EFCAB12: variants seen among roughly 807,000 people sequenced by gnomAD.
EFCAB12 encodes EF-hand calcium binding domain 12, also known as EF-hand calcium-binding domain-containing protein 12.
In EFCAB12, 43 loss-of-function variants were observed where a neutral mutation model predicts 53.6. The observed-to-expected ratio is 0.80, with a 90% CI of 0.63 to 1.03. EFCAB12 has a LOEUF of 1.03. Ranked by LOEUF, EFCAB12 falls within the 50% of genes least tolerant of loss-of-function variation. EFCAB12 has a pLI of 0.00. For missense variants in EFCAB12, 646 were observed against 730.6 expected (o/e 0.88, Z 1.34); for synonymous variants, 269 against 289.2 (o/e 0.93, Z 0.71).
At chr3:129,417,398 T>C (rs1444295977) in intron 3 of EFCAB12, among the ~76,000 whole-genome samples, 1 of 119,530 alleles carries the variant, frequency 8.4e-6, no homozygotes, top group Admixed American at 8.1e-5. Context: ...AAACCTCAGA[T>C]AGTAAATATT....
In EFCAB12 at chr3:129,401,859, A is replaced by G. The variant is rs1387482447; in HGVS notation, c.1461-8T>C. 2 of 1,609,524 alleles carry G rather than the reference A, an allele frequency of 1.2e-6. No homozygotes were observed. On this transcript the variant is annotated splice_polypyrimidine_tract_variant and splice_region_variant and intron_variant, in intron 8 of 8. Coordinates refer to ENST00000505956, the MANE Select transcript of EFCAB12 (RefSeq NM_207307.3). ...CTCTTCACCTTCAGCTTCCTGGAAA[A>G]CAAGAAGACACAGGGATGGTTGTCA... is the stretch of plus-strand genomic sequence containing the variant.
intron 2 of EFCAB12, among the ~76,000 whole-genome samples, chr3:129,418,779 C>T (rs763421024): frequency 6.6e-6 from 1 of 152,156 alleles, no homozygotes; most frequent in Non-Finnish European, 1.5e-5. Flanking sequence ...AACCTATACC[C>T]TTCCCTGGAG....
Position 129,421,783 on chromosome 3 carries a change from G to A in EFCAB12, c.70C>T (p.Pro24Ser), listed in dbSNP as rs1264329829. Residue 24 changes from proline to serine, a missense_variant, in exon 2 of 9, where the codon CCC becomes TCC. Coordinates refer to ENST00000505956, the MANE Select transcript of EFCAB12 (RefSeq NM_207307.3). The part of the protein sequence containing the change: ...SLLGLCPSKT[P>S]INENAPVFDP... ...AAGACGGGAGCATTTTCATTGATGG[G>A]AGTCTTAGACGGGCAGAGTCCTTGG... The A allele has an allele frequency of 4.3e-6, 7 of 1,612,878 alleles. No individual in the cohort carries two copies. In the East Asian group the frequency reaches 1.1e-4, roughly 26 times the overall value.
chr3:129,404,195 G>T, intron 7 of EFCAB12, 55 bp downstream of exon 7: 2 of 1,575,030 alleles, frequency 1.3e-6, no homozygotes, highest in Non-Finnish European at 1.7e-6. Flanking sequence ...CACACTGAAG[G>T]GATAGCAATG....
chr3:129,402,653 G>C, intron 7 of EFCAB12, 74 bp from the exon 8 acceptor site: 1 of 1,423,188 alleles, frequency 7.0e-7, no homozygotes, highest in Non-Finnish European at 9.6e-7. Context: ...GAGTAGGTCA[G>C]GGCCGCAGGG....
At chr3:129,408,501 C>G (rs550949594) in intron 6 of EFCAB12, 144 bp downstream of exon 6, 2 of 857,036 alleles carry the variant, frequency 2.3e-6, no homozygotes, top group Admixed American at 2.6e-5. Context: ...CTCCTCCACG[C>G]CCCCACTCCG....
chr3:129,421,557 G>C lies in EFCAB12; in HGVS notation c.296C>G (p.Pro99Arg). 1 of 1,613,992 alleles carries C rather than the reference G, an allele frequency of 6.2e-7. No homozygotes were observed. Among genetic ancestry groups the C allele is most frequent in the Non-Finnish European group, 8.5e-7 (1 of 1,179,862 alleles). The change falls in exon 2 of 9, where the codon CCA (proline) becomes CGA (arginine). Residue 99 changes from proline (P) to arginine (R), a missense_variant. Physicochemically the swap from Pro to Arg is moderately radical, Grantham distance 103 (BLOSUM62 -2). Transcript: ENST00000505956. ...VLEARDIQEQ[P>R]EDRKTWLSQR... ...GCTCAGCCAGGTCTTCCTGTCCTCTGGCTGCTCTTGGATATCTCTAGCTTC... is the reference window on the plus strand; with the variant it reads ...GCTCAGCCAGGTCTTCCTGTCCTCTCGCTGCTCTTGGATATCTCTAGCTTC...
chr3:129,416,826 T>C (rs1299750056), intron 3 of EFCAB12, among the ~76,000 whole-genome samples: 1 of 152,170 alleles, frequency 6.6e-6, no homozygotes, highest in African/African-American at 2.4e-5. Flanking sequence ...AGTTTTTTAA[T>C]TTTTTGTAGA....
Position 129,421,452 on chromosome 3 carries a change from G to A in EFCAB12, c.401C>T (p.Pro134Leu). The change falls in exon 2 of 9, where the codon CCT becomes CTT. Residue 134 changes from proline (P) to leucine (L), a missense_variant. Transcript: ENST00000505956. Reference protein sequence around the residue: ...RWLENKPSITPSEAKVLHMIH... With the variant: ...RWLENKPSITLSEAKVLHMIH... ...CATGTGTAAGACCTTGGCCTCTGAA[G>A]GCGTGATGCTGGGCTTGTTCTCCAG... 1 of 1,614,030 alleles carries A rather than the reference G, an allele frequency of 6.2e-7. No homozygotes were observed. The highest frequency in any genetic ancestry group is 8.5e-7 in the Non-Finnish European group (1 of 1,179,900).
chr3:129,428,587 C>G lies in EFCAB12; in HGVS notation c.-99G>C. 1 of 1,439,100 alleles carries G rather than the reference C, an allele frequency of 6.9e-7. No homozygotes were observed. Among genetic ancestry groups the G allele is most frequent in the Admixed American group, 2.2e-5 (1 of 45,520 alleles). The allele number at this position is 1,439,100 out of a possible 1,614,324, so 89.1% of individuals were successfully genotyped here. ...TACCGGGGTATCAGATAAACCGTAA[C>G]TCCAAGTCGTGCGAAAGGCGCTCAG... On this transcript the variant is annotated 5_prime_UTR_variant, in exon 1 of 9. Coordinates refer to ENST00000505956, the MANE Select transcript of EFCAB12 (RefSeq NM_207307.3).
chr3:129,419,748 CA>C (rs985650611), intron 2 of EFCAB12, among the ~76,000 whole-genome samples: 1 of 151,540 alleles, frequency 6.6e-6, no homozygotes, highest in Admixed American at 6.6e-5. Flanking sequence ...GACTGTGAGC[CA>C]AAAAAAACTC....
intron 3 of EFCAB12, among the ~76,000 whole-genome samples, chr3:129,417,203 T>C (rs2072125555): frequency 1.3e-5 from 2 of 151,396 alleles, no homozygotes; most frequent in Admixed American, 1.3e-4. Flanking sequence ...TGCACGCCTA[T>C]AGTCCCAACT....
intron 5 of EFCAB12, among the ~76,000 whole-genome samples, chr3:129,410,139 G>A (rs2072016149): frequency 6.6e-6 from 1 of 151,794 alleles, no homozygotes; most frequent in South Asian, 2.1e-4. Flanking sequence ...TCTTCAGTAG[G>A]TGCAGCCACA....
intron 7 of EFCAB12, chr3:129,403,032 C>T (rs143027121): frequency 1.8e-4 from 30 of 163,640 alleles, no homozygotes; most frequent in African/African-American, 6.0e-4. Flanking sequence ...CATCACTAAT[C>T]GTTCACGGCA....
Position 129,421,356 on chromosome 3 carries a change from G to A in EFCAB12, c.486+11C>T, listed in dbSNP as rs1055928401. 6.3e-7 allele frequency: 1 copy of A among 1,594,682 alleles called. No homozygotes were observed. Among genetic ancestry groups the A allele is most frequent in the African/African-American group, 1.3e-5 (1 of 74,494 alleles). On this transcript the variant is annotated intron_variant, in intron 2 of 8. Transcript: ENST00000505956. Reference sequence around the variant, plus strand: ...CCTTGGTGTCTTCATCTGGCAAATGGGGCTGCTCACCCTGGTGGTCCTGGT... The same window carrying A: ...CCTTGGTGTCTTCATCTGGCAAATGAGGCTGCTCACCCTGGTGGTCCTGGT...
In EFCAB12 at chr3:129,404,255, A is replaced by C. The variant is rs759467402; in HGVS notation, c.1398T>G (p.Thr466=). The C allele has an allele frequency of 2.5e-6, 4 of 1,612,460 alleles. No homozygotes were observed. The highest frequency in any genetic ancestry group is 3.3e-5 in the Admixed American group (2 of 59,764). ...AAGGGGGTCCGAAACTCAGCTTGTC[A>C]GTCCTCTTAGACTTGCCAGGGCCCT... ...RSQGPGKSKR[T]DKKTPKKSKK... is the part of the protein sequence containing the mutation. The change falls in exon 7 of 9, where the codon ACT becomes ACG. Residue 466 remains threonine (T), a synonymous_variant. Coordinates refer to ENST00000505956, the MANE Select transcript of EFCAB12 (RefSeq NM_207307.3).
intron 3 of EFCAB12, among the ~76,000 whole-genome samples, chr3:129,418,000 C>T (rs2072139591): frequency 6.6e-6 from 1 of 152,206 alleles, no homozygotes; most frequent in African/African-American, 2.4e-5. Flanking sequence ...GTGGACTCCA[C>T]AGACTTTCCA....
rs191216867 is a variant in EFCAB12, at chr3:129,408,762, C to T, written c.1132G>A (p.Gly378Arg). The T allele has an allele frequency of 4.6e-5, 72 of 1,579,622 alleles. No individual in the cohort carries two copies. Among genetic ancestry groups the T allele is most frequent in the South Asian group, 1.2e-4 (10 of 86,248 alleles). The change falls in exon 6 of 9, where the codon GGG becomes AGG. Residue 378 changes from glycine to arginine, a missense_variant. Coordinates refer to ENST00000505956, the MANE Select transcript of EFCAB12 (RefSeq NM_207307.3). The part of the protein sequence containing the change: ...DEHCLPSTIH[G>R]DMRELIDSAR... ...GAGTCAATGAGCTCCCTCATATCCCCGTGGATGGTGGACGGGAGGCAGTGC... is the reference window on the plus strand; with the variant it reads ...GAGTCAATGAGCTCCCTCATATCCCTGTGGATGGTGGACGGGAGGCAGTGC...
chr3:129,428,512 C>A lies in EFCAB12; in HGVS notation c.-24G>T. 1 of 1,609,168 alleles carries A rather than the reference C, an allele frequency of 6.2e-7. No homozygotes were observed. Among genetic ancestry groups the A allele is most frequent in the South Asian group, 1.1e-5 (1 of 89,962 alleles). On this transcript the variant is annotated 5_prime_UTR_variant, in exon 1 of 9. Transcript: ENST00000505956. ...ATGGTCGTGGTGCTGGGAGGGGGTG[C>A]TGAAGGGCGTGTGTGAATGTGTGTC...
Sources: allele counts gnomAD v4.1 joint callset (sites outside exome capture counted in the v4.1 genomes callset), GRCh38; gene constraint gnomAD v4.1.1; transcripts MANE v1.5; gene names NCBI Gene and HGNC (gene_info 2026-07-23, HGNC 2026-07-21).